The following ASAP3 variants were observed in gnomAD, a reference collection of about 807,000 sequenced individuals.
ASAP3 encodes the protein ArfGAP with SH3 domain, ankyrin repeat and PH domain 3.
In ASAP3, 85 loss-of-function variants were observed where a neutral mutation model predicts 118.2. The observed-to-expected ratio is 0.72, with a 90% CI of 0.60 to 0.86. The LOEUF (loss-of-function observed/expected upper bound fraction) is 0.86, where lower values mean the gene tolerates loss of function less well. ASAP3 is among the 40% of genes least tolerant of loss of function. ASAP3 has a pLI of 0.00. For missense variants in ASAP3, 1,026 were observed against 1,175.0 expected (o/e 0.87, Z 1.85); for synonymous variants, 432 against 477.4 (o/e 0.90, Z 1.24).
rs1203301953 is a variant in ASAP3 at position 23,436,377 on chromosome 1, G to A, written c.1571+183C>T. Reference sequence around the variant, plus strand: ...GGGGTTTTGCCATCTTAGCCGGGCTGGTCTCAAATTCCTGACCTCAAGTGA... The same window carrying A: ...GGGGTTTTGCCATCTTAGCCGGGCTAGTCTCAAATTCCTGACCTCAAGTGA... On this transcript the variant is annotated intron_variant, in intron 16 of 24. Coordinates refer to ENST00000336689, the MANE Select transcript of ASAP3 (RefSeq NM_017707.4). This position sits in a 1 kb window ranked among gnomAD's most constrained non-coding sequence, Gnocchi z 4.2. Among the ~76,000 whole-genome samples the A allele has an allele frequency of 1.3e-5, 2 of 152,188 alleles. No homozygotes were observed. The highest frequency in any genetic ancestry group is 2.9e-5 in the Non-Finnish European group (2 of 68,026).
intron 1 of ASAP3, 42 bp downstream of exon 1, chr1:23,483,963 C>T (rs2148671241): frequency 8.0e-7 from 1 of 1,251,208 alleles, no homozygotes; most frequent in Non-Finnish European, 1.0e-6. Context: ...CAAGGCCAGG[C>T]CCGGCGCCGA....
In ASAP3 at chr1:23,436,687, G is replaced by C. The variant is rs780479798; in HGVS notation, c.1477-33C>G. 6.2e-7 allele frequency: 1 copy of C among 1,612,464 alleles called. No individual in the cohort carries two copies. The highest frequency in any genetic ancestry group is 1.1e-5 in the South Asian group (1 of 91,044). On this transcript the variant is annotated intron_variant, in intron 15 of 24. Transcript: ENST00000336689. The surrounding 1 kb of genome is among the most constrained non-coding windows in gnomAD (Gnocchi z 4.2). ...CGTAGGAAAATAGACGTGGGGCGGAGTAAGACCGGGCGGTTAAGCCTGCAT... is the reference window on the plus strand; with the variant it reads ...CGTAGGAAAATAGACGTGGGGCGGACTAAGACCGGGCGGTTAAGCCTGCAT...
At chr1:23,466,396 T>C (rs140246312) in intron 1 of ASAP3, among the ~76,000 whole-genome samples, 2 of 152,324 alleles carry the variant, frequency 1.3e-5, no homozygotes, top group East Asian at 3.9e-4. Context: ...CACATCTTAG[T>C]GTAAGAGACA....
chr1:23,468,351 A>C (rs1003433352), intron 1 of ASAP3, among the ~76,000 whole-genome samples: 1 of 152,200 alleles, frequency 6.6e-6, no homozygotes, highest in African/African-American at 2.4e-5. Flanking sequence ...CTCTATGATC[A>C]ATAAGACACA....
chr1:23,462,567 G>A (rs1213110187), intron 1 of ASAP3, among the ~76,000 whole-genome samples: 4 of 151,658 alleles, frequency 2.6e-5, no homozygotes, highest in South Asian at 4.2e-4. Flanking sequence ...AGTCAAGATC[G>A]AGACCATCCT....
In ASAP3 at chr1:23,438,874, T is replaced by C. The variant is rs752955906; in HGVS notation, c.1015-40A>G. ...GGGCGGAGGATGTATGCATTACCTC[T>C]GGCCCTCCACATTCTTTAGGCCTCC... On this transcript the variant is annotated intron_variant, in intron 11 of 24. Coordinates refer to ENST00000336689, the MANE Select transcript of ASAP3 (RefSeq NM_017707.4). This position sits in a 1 kb window ranked among gnomAD's most constrained non-coding sequence, Gnocchi z 4.9. 1.3e-6 allele frequency: 2 copies of C among 1,585,382 alleles called. No individual in the cohort carries two copies. Among genetic ancestry groups the C allele is most frequent in the Admixed American group, 1.7e-5 (1 of 59,964 alleles).
At chr1:23,473,558 C>T (rs1019378322) in intron 1 of ASAP3, among the ~76,000 whole-genome samples, 5 of 152,206 alleles carry the variant, frequency 3.3e-5, no homozygotes, top group African/African-American at 1.2e-4. Flanking sequence ...ATGATATGAT[C>T]AAATTGCCTT....
chr1:23,444,453 A>C (rs1337282093), intron 5 of ASAP3, among the ~76,000 whole-genome samples: 1 of 152,254 alleles, frequency 6.6e-6, no homozygotes, highest in Non-Finnish European at 1.5e-5. Flanking sequence ...TGAGCAGAGA[A>C]GACAAAGACA....
intron 5 of ASAP3, among the ~76,000 whole-genome samples, chr1:23,444,680 G>C (rs1413873854): frequency 6.6e-6 from 1 of 152,172 alleles, no homozygotes; most frequent in Non-Finnish European, 1.5e-5. Flanking sequence ...AATGGTCTAC[G>C]GTAAGTTCTC....
rs951485447 is a variant in ASAP3, at chr1:23,437,871, C to T, written c.1103-399G>A. Among the ~76,000 whole-genome samples, 4 of 152,284 alleles carry T rather than the reference C, an allele frequency of 2.6e-5. No individual in the cohort carries two copies. The highest frequency in any genetic ancestry group is 2.1e-4 in the South Asian group (1 of 4,824). On this transcript the variant is annotated intron_variant, in intron 12 of 24. Coordinates refer to ENST00000336689, the MANE Select transcript of ASAP3 (RefSeq NM_017707.4). The surrounding 1 kb of genome is among the most constrained non-coding windows in gnomAD (Gnocchi z 6.1). Reference sequence around the variant, plus strand: ...TCTCCCTGCTTCCCATTTCCCCTTTCCCCTAGCCTGTACCAGCTCCCAACT... The same window carrying T: ...TCTCCCTGCTTCCCATTTCCCCTTTTCCCTAGCCTGTACCAGCTCCCAACT...
intron 1 of ASAP3, among the ~76,000 whole-genome samples, chr1:23,468,636 G>A (rs1641853310): frequency 6.6e-6 from 1 of 151,756 alleles, no homozygotes; most frequent in Non-Finnish European, 1.5e-5. Flanking sequence ...ACTTTGGGAG[G>A]CTGAGGTGGG....
intron 1 of ASAP3, among the ~76,000 whole-genome samples, chr1:23,475,927 T>C (rs888442410): frequency 2.0e-5 from 3 of 151,874 alleles, no homozygotes; most frequent in Admixed American, 6.6e-5. Flanking sequence ...CATTCCAGCC[T>C]GGGCAAAAGA....
At chr1:23,456,966 G>C (rs879893669) in intron 1 of ASAP3, among the ~76,000 whole-genome samples, 8 of 152,190 alleles carry the variant, frequency 5.3e-5, no homozygotes, top group Non-Finnish European at 1.2e-4. Flanking sequence ...AGATGTGATG[G>C]CAAGAAGCAA....
chr1:23,484,089 C>A lies in ASAP3; in HGVS notation c.45G>T (p.Ala15=). The change falls in exon 1 of 25, where the codon GCG becomes GCT. Residue 15 remains alanine (A), a synonymous_variant. Transcript: ENST00000336689. ...FSVAEFLAVT[A]EDLSSPAGAA... ...CCCCAGCCGGGGAGCTGAGGTCCTC[C>A]GCGGTGACGGCCAGGAACTCGGCGA... The A allele has an allele frequency of 7.4e-7, 1 of 1,346,860 alleles. No homozygotes were observed. 83.4% of individuals were successfully genotyped at this position (1,346,860 alleles called of 1,614,324 possible).
intron 4 of ASAP3, among the ~76,000 whole-genome samples, chr1:23,452,413 C>A (rs1303683179): frequency 6.6e-6 from 1 of 152,170 alleles, no homozygotes; most frequent in Admixed American, 6.5e-5. Flanking sequence ...CCCTTGGCCT[C>A]GAATTTCAAC....
chr1:23,480,889 G>A (rs1642285573), intron 1 of ASAP3, among the ~76,000 whole-genome samples: 1 of 152,178 alleles, frequency 6.6e-6, no homozygotes, highest in African/African-American at 2.4e-5. Flanking sequence ...CCTCACATTT[G>A]CATGGTGCTT....
chr1:23,483,667 G>C (rs980434499), intron 1 of ASAP3, among the ~76,000 whole-genome samples: 11 of 152,204 alleles, frequency 7.2e-5, no homozygotes, highest in African/African-American at 2.7e-4. Flanking sequence ...GCACACTTGT[G>C]GGGCTCCGAA....
chr1:23,482,766 G>C (rs1002126580), intron 1 of ASAP3, among the ~76,000 whole-genome samples: 2 of 151,974 alleles, frequency 1.3e-5, no homozygotes, highest in African/African-American at 4.8e-5. Flanking sequence ...GGCTAACACG[G>C]TGAAACCCCG....
intron 1 of ASAP3, among the ~76,000 whole-genome samples, chr1:23,472,525 A>G (rs1245940303): frequency 3.3e-5 from 5 of 152,320 alleles, no homozygotes; most frequent in African/African-American, 4.8e-5. Flanking sequence ...CAAAGGGCAG[A>G]GCTGAGGGAA....
Sources: gnomAD v4.1 joint callset for allele counts (sites outside exome capture counted in the v4.1 genomes callset) on GRCh38, gnomAD v4.1.1 for gene constraint, Gnocchi (gnomAD v3.1) non-coding constraint, MANE v1.5 for transcripts, NCBI Gene and HGNC (gene_info 2026-07-23, HGNC 2026-07-21) for gene names.